The following AHCYL2 variants were observed in gnomAD, a reference collection of about 807,000 sequenced individuals.
AHCYL2 encodes the protein adenosylhomocysteinase like 2, also known as S-adenosylhomocysteine hydrolase-like protein 2.
In AHCYL2, 28 loss-of-function variants were observed where a neutral mutation model predicts 81.4. That is an observed-to-expected ratio of 0.34 (90% confidence interval 0.25 to 0.47). AHCYL2 has a LOEUF of 0.47. Among genes scored for constraint, AHCYL2 ranks in the 20% least tolerant of loss-of-function variants. AHCYL2 has a pLI of 1.00. For synonymous variants in AHCYL2, 272 were observed against 290.2 expected (o/e 0.94, Z 0.64); for missense variants, 551 against 785.1 (o/e 0.70, Z 3.56).
At chr7:129,276,001 A>G (rs1426698028) in intron 1 of AHCYL2, among the ~76,000 whole-genome samples, 8 of 152,208 alleles carry the variant, frequency 5.3e-5, no homozygotes, top group Non-Finnish European at 1.0e-4. Context: ...AAGTCTCAAC[A>G]AAACCAATGA....
chr7:129,425,437 AT>A (rs1353942584), intron 15 of AHCYL2, among the ~76,000 whole-genome samples: 2 of 152,130 alleles, frequency 1.3e-5, no homozygotes, highest in South Asian at 2.1e-4. Flanking sequence ...GAAAAAAAAA[AT>A]CTTCCCTTAA....
intron 1 of AHCYL2, among the ~76,000 whole-genome samples, chr7:129,321,766 G>GTTTTTTTTTTTTTTTTTTTTTTTT (rs1315391980): frequency 1.3e-4 from 14 of 107,472 alleles, no homozygotes; most frequent in East Asian, 2.9e-4. Flanking sequence ...TTTTTTTTTG[G>GTTTTTTTTTTTTTTTTTTTTTTTT]TCTTGGTTTT....
chr7:129,273,321 C>CTTTTTTTT lies in AHCYL2; in HGVS notation c.363+47899_363+47906dup, dbSNP rs35236990. ...GCAACTGTAAATCCCTTTGCTAAGA[C>CTTTTTTTT]TTTTTTTTTTTTTTTTTTTTTTTTG... is the stretch of plus-strand genomic sequence containing the variant. On this transcript the variant is annotated intron_variant, in intron 1 of 16. Transcript: ENST00000325006. Among the ~76,000 whole-genome samples, 49 of 75,886 alleles carry CTTTTTTTT rather than the reference C, an allele frequency of 6.5e-4. 1 individual carries two copies. The highest frequency in any genetic ancestry group is 8.1e-4 in the Non-Finnish European group (36 of 44,638). The allele number at this position is 75,886 out of a possible 152,430, so 49.8% of individuals were successfully genotyped here.
Position 129,250,717 on chromosome 7 carries a change from GCTGA to G in AHCYL2, c.363+25281_363+25284del, listed in dbSNP as rs546717740. ...TATCCTTTATAATGTCTTAGTTTTG[GCTGA>G]CTAAGGGACTGAATAAATTGGCATG... On this transcript the variant is annotated intron_variant, in intron 1 of 16. Transcript: ENST00000325006. Among the ~76,000 whole-genome samples, 375 of 152,216 alleles carry G rather than the reference GCTGA, an allele frequency of 2.5e-3. 3 individuals are homozygous for G. Among genetic ancestry groups the G allele is most frequent in the African/African-American group, 6.8e-3 (284 of 41,544 alleles).
chr7:129,246,046 G>A (rs1166110553), intron 1 of AHCYL2, among the ~76,000 whole-genome samples: 1 of 151,478 alleles, frequency 6.6e-6, no homozygotes. Flanking sequence ...TAATAGGTGT[G>A]AAGTATGTTG....
At chr7:129,260,574 A>C (rs1437276379) in intron 1 of AHCYL2, among the ~76,000 whole-genome samples, 1 of 152,172 alleles carries the variant, frequency 6.6e-6, no homozygotes, top group Non-Finnish European at 1.5e-5. Context: ...GTTTCAAATT[A>C]TAATTCTCAG....
At position 129,276,008 on chromosome 7, in the gene AHCYL2, A is replaced by G. The variant is rs539587518; in HGVS notation, c.363+50569A>G. Among the ~76,000 whole-genome samples, 14 of 152,314 alleles carry G rather than the reference A, an allele frequency of 9.2e-5. No homozygotes were observed. In the East Asian group the frequency reaches 2.1e-3, roughly 23 times the overall value. ...CATAAATCAAGTCTCAACAAAACCA[A>G]TGAATGGATATTATGCAAACTATTC... On this transcript the variant is annotated intron_variant, in intron 1 of 16. Coordinates refer to ENST00000325006, the MANE Select transcript of AHCYL2 (RefSeq NM_015328.4).
chr7:129,400,566 C>T (rs1795984786), intron 6 of AHCYL2, among the ~76,000 whole-genome samples, 182 bp downstream of exon 6: 1 of 152,174 alleles, frequency 6.6e-6, no homozygotes, highest in South Asian at 2.1e-4. Context: ...AGTATTGAAG[C>T]TCTTATAACC....
intron 1 of AHCYL2, among the ~76,000 whole-genome samples, chr7:129,345,466 A>G (rs138727609): frequency 3.9e-5 from 6 of 152,244 alleles, no homozygotes; most frequent in Middle Eastern, 3.4e-3. Context: ...TTAGTCACAC[A>G]TGGTTTTTCT....
Position 129,426,522 on chromosome 7 carries a change from G to C in AHCYL2, c.1788G>C (p.Leu596=). ...TELTDEQAKY[L]GLNKNGPFKP... ...TGACAGATGAACAGGCCAAGTATCT[G>C]GGACTCAACAAGAATGGGCCCTTCA... Residue 596 remains leucine, a synonymous_variant, in exon 16 of 17, where the codon CTG becomes CTC. Transcript: ENST00000325006. This position sits in a 1 kb window ranked among gnomAD's most constrained non-coding sequence, Gnocchi z 4.3. The C allele has an allele frequency of 6.2e-7, 1 of 1,614,010 alleles. No homozygotes were observed. Among genetic ancestry groups the C allele is most frequent in the Non-Finnish European group, 8.5e-7 (1 of 1,179,968 alleles).
At position 129,225,457 on chromosome 7, in the gene AHCYL2, CCT is replaced by C; in HGVS notation, c.363+23_363+24del. The C allele has an allele frequency of 6.7e-7, 1 of 1,497,292 alleles. No homozygotes were observed. Among genetic ancestry groups the C allele is most frequent in the Non-Finnish European group, 8.9e-7 (1 of 1,129,398 alleles). 92.8% of individuals were successfully genotyped at this position (1,497,292 alleles called of 1,614,324 possible). A position where few individuals can be genotyped will look rare whatever the true frequency, so the allele number is the denominator to read the frequency against. ...TCAAGAAGGTACTGGGGCCGGGCTG[CCT>C]CTCTAGGAGAGGAAGGGAGGGGAGG... On this transcript the variant is annotated intron_variant, in intron 1 of 16. Transcript: ENST00000325006.
At chr7:129,242,308 G>A (rs1187210051) in intron 1 of AHCYL2, among the ~76,000 whole-genome samples, 1 of 151,014 alleles carries the variant, frequency 6.6e-6, no homozygotes, top group East Asian at 1.9e-4. Context: ...GGGATTCCAG[G>A]CAGGAGCCAC....
At chr7:129,268,427 A>G (rs1323455298) in intron 1 of AHCYL2, among the ~76,000 whole-genome samples, 3 of 152,132 alleles carry the variant, frequency 2.0e-5, no homozygotes, top group Admixed American at 6.5e-5. Context: ...AGCTCACCAC[A>G]ACCTCCATCT....
intron 1 of AHCYL2, among the ~76,000 whole-genome samples, chr7:129,312,346 A>T (rs1797687511): frequency 6.6e-6 from 1 of 152,134 alleles, no homozygotes; most frequent in Non-Finnish European, 1.5e-5. Flanking sequence ...TCAGCCTCCC[A>T]AAGTGCTGGG....
In AHCYL2 at chr7:129,225,430, A is replaced by G. The variant is rs1794175258; in HGVS notation, c.354A>G (p.Thr118=). The G allele has an allele frequency of 8.6e-6, 13 of 1,513,406 alleles. No individual in the cohort carries two copies. Among genetic ancestry groups the G allele is most frequent in the South Asian group, 1.2e-5 (1 of 83,002 alleles). The allele number at this position is 1,513,406 out of a possible 1,614,324, so 93.7% of individuals were successfully genotyped here. A position where few individuals can be genotyped will look rare whatever the true frequency, so the allele number is the denominator to read the frequency against. The change falls in exon 1 of 17, where the codon ACA becomes ACG. Residue 118 remains threonine (T), a synonymous_variant. Transcript: ENST00000325006. ...PDGTVTEAPR[T]VKKQIQFADQ... is the part of the protein sequence containing the mutation. The stretch of plus-strand genomic sequence containing the variant: ...GCACCGTCACCGAGGCGCCGCGCAC[A>G]GTCAAGAAGGTACTGGGGCCGGGCT...
At chr7:129,263,912 TAAAAG>T (rs753270840) in intron 1 of AHCYL2, among the ~76,000 whole-genome samples, 5 of 152,064 alleles carry the variant, frequency 3.3e-5, no homozygotes, top group South Asian at 2.1e-4. Context: ...TGGGGAGAAA[TAAAAG>T]AGAAGGAAGA....
intron 1 of AHCYL2, among the ~76,000 whole-genome samples, chr7:129,342,015 A>G (rs1793202937): frequency 6.6e-6 from 1 of 152,224 alleles, no homozygotes; most frequent in African/African-American, 2.4e-5. Flanking sequence ...TTATAAAGGT[A>G]AAGCTTTATG....
At chr7:129,299,304 TCCGGGC>T (rs1441931845) in intron 1 of AHCYL2, among the ~76,000 whole-genome samples, 1 of 136,718 alleles carries the variant, frequency 7.3e-6, no homozygotes, top group Non-Finnish European at 1.6e-5. Context: ...CAAAAAACTA[TCCGGGC>T]ATAGTGGCTC....
intron 1 of AHCYL2, among the ~76,000 whole-genome samples, chr7:129,280,383 G>C (rs1347493967): frequency 6.6e-6 from 1 of 151,888 alleles, no homozygotes; most frequent in Non-Finnish European, 1.5e-5. Context: ...TGGCCAGGCT[G>C]GTCTGGAACT....
Sources: allele counts gnomAD v4.1 joint callset (sites outside exome capture counted in the v4.1 genomes callset), GRCh38; gene constraint gnomAD v4.1.1; non-coding constraint Gnocchi (gnomAD v3.1); transcripts MANE v1.5; gene names NCBI Gene and HGNC (gene_info 2026-07-23, HGNC 2026-07-21).